Variants in CALN1 observed in about 807,000 individuals in gnomAD.
CALN1 encodes the protein calcium-binding protein 8.
Under a neutral mutation model 30.6 loss-of-function variants are expected in CALN1, and 17 were observed. That is an observed-to-expected ratio of 0.56 (90% confidence interval 0.38 to 0.83). The LOEUF is 0.83. Ranked by LOEUF, CALN1 falls within the 40% of genes least tolerant of loss-of-function variation. The pLI, the probability that CALN1 is intolerant of heterozygous loss-of-function variation, is 0.00. For missense variants in CALN1, 291 were observed against 354.9 expected (o/e 0.82, Z 1.45); for synonymous variants, 156 against 131.4 (o/e 1.19, Z -1.28).
At position 72,204,475 on chromosome 7, in the gene CALN1, A is replaced by G. The variant is rs546527827; in HGVS notation, c.244+74211T>C. ...ACTCATGATTAACACAACCAACCCGATCATTGAATTTTTTAACATTATAAA... is the reference window on the plus strand; with the variant it reads ...ACTCATGATTAACACAACCAACCCGGTCATTGAATTTTTTAACATTATAAA... On this transcript the variant is annotated intron_variant, in intron 3 of 6. Coordinates refer to ENST00000395275, the MANE Select transcript of CALN1 (RefSeq NM_031468.4). Among the ~76,000 whole-genome samples the G allele has an allele frequency of 7.9e-5, 12 of 152,318 alleles. No individual in the cohort carries two copies. In the South Asian group the frequency reaches 2.1e-3, roughly 26 times the overall value.
chr7:72,024,894 T>C (rs1424390552), intron 4 of CALN1, among the ~76,000 whole-genome samples: 1 of 152,236 alleles, frequency 6.6e-6, no homozygotes, highest in Admixed American at 6.5e-5. Flanking sequence ...TCTCTTTCTC[T>C]AAGACGGAGC....
At chr7:72,141,175 G>C (rs1269155540) in intron 3 of CALN1, among the ~76,000 whole-genome samples, 1 of 152,136 alleles carries the variant, frequency 6.6e-6, no homozygotes, top group East Asian at 1.9e-4. Context: ...GCTCATACCT[G>C]TAATTCCAGA....
intron 6 of CALN1, among the ~76,000 whole-genome samples, chr7:71,798,123 CAGAGAGAGAGAGAGAG>C (rs3973907): frequency 4.0e-3 from 287 of 71,048 alleles, no homozygotes; most frequent in East Asian, 7.6e-3. Context: ...GAGACAGAGA[CAGAGAGAGAGAGAGAG>C]AGAGAGAGAG....
rs1051381982 is a variant in CALN1 at position 71,785,133 on chromosome 7, T to C, written c.*2642A>G. 6 of 360,970 alleles carry C rather than the reference T, an allele frequency of 1.7e-5. No individual in the cohort carries two copies. Among genetic ancestry groups the C allele is most frequent in the Admixed American group, 1.4e-4 (3 of 21,442 alleles). 22.4% of individuals were successfully genotyped at this position (360,970 alleles called of 1,614,324 possible). On this transcript the variant is annotated 3_prime_UTR_variant, in exon 7 of 7. Coordinates refer to ENST00000395275, the MANE Select transcript of CALN1 (RefSeq NM_031468.4). ...ATGGGGGGTTACCACAGTGGGAAGATAACTCCTAGGCTGTCAGAAAGAATT... is the reference window on the plus strand; with the variant it reads ...ATGGGGGGTTACCACAGTGGGAAGACAACTCCTAGGCTGTCAGAAAGAATT...
chr7:72,227,530 A>ACT (rs1376628502), intron 3 of CALN1, among the ~76,000 whole-genome samples: 2 of 140,026 alleles, frequency 1.4e-5, no homozygotes, highest in African/African-American at 5.3e-5. Flanking sequence ...ACAGAGAAAG[A>ACT]CTCCGTCTCA....
At chr7:72,192,973 A>C (rs1221542362) in intron 3 of CALN1, among the ~76,000 whole-genome samples, 2 of 151,958 alleles carry the variant, frequency 1.3e-5, no homozygotes, top group Non-Finnish European at 2.9e-5. Flanking sequence ...GGATCACTTG[A>C]GGTCAGGAGT....
intron 4 of CALN1, among the ~76,000 whole-genome samples, chr7:72,057,730 A>C (rs1803360499): frequency 6.6e-6 from 1 of 151,450 alleles, no homozygotes; most frequent in Admixed American, 6.6e-5. Flanking sequence ...GGAAAAAAAA[A>C]CCTCTTCATA....
At chr7:72,204,638 G>T (rs1283894842) in intron 3 of CALN1, among the ~76,000 whole-genome samples, 1 of 152,102 alleles carries the variant, frequency 6.6e-6, no homozygotes, top group Non-Finnish European at 1.5e-5. Flanking sequence ...AACAATCTGT[G>T]CCTGTTTCCT....
chr7:72,446,808 C>A (rs963711680), intron 1 of CALN1, among the ~76,000 whole-genome samples: 1 of 152,112 alleles, frequency 6.6e-6, no homozygotes, highest in East Asian at 1.9e-4. Context: ...AAGCTGGGGC[C>A]AAAACAAACG....
At chr7:71,915,660 G>A (rs1444719775) in intron 5 of CALN1, among the ~76,000 whole-genome samples, 1 of 152,268 alleles carries the variant, frequency 6.6e-6, no homozygotes, top group East Asian at 1.9e-4. Flanking sequence ...CTTGAACAGG[G>A]GAGGCGGAGG....
intron 3 of CALN1, among the ~76,000 whole-genome samples, chr7:72,236,167 G>GA (rs940873091): frequency 6.6e-6 from 1 of 151,562 alleles, no homozygotes; most frequent in Non-Finnish European, 1.5e-5. Context: ...AAAACCCTCA[G>GA]AAAAATCACC....
chr7:72,002,074 A>G (rs1350617396), intron 5 of CALN1, among the ~76,000 whole-genome samples: 1 of 152,212 alleles, frequency 6.6e-6, no homozygotes, highest in African/African-American at 2.4e-5. Flanking sequence ...TTCTACAGCT[A>G]ATGTGAAGGA....
chr7:71,996,640 G>T (rs1799266861), intron 5 of CALN1, among the ~76,000 whole-genome samples: 1 of 152,174 alleles, frequency 6.6e-6, no homozygotes, highest in Admixed American at 6.5e-5. Context: ...GGAGAGCAAG[G>T]GGGAGGGAGA....
chr7:71,791,683 C>A (rs1584222345), intron 6 of CALN1, among the ~76,000 whole-genome samples: 1 of 152,278 alleles, frequency 6.6e-6, no homozygotes, highest in Middle Eastern at 3.4e-3. Context: ...CAAACCTGCA[C>A]ATGTATCCCT....
chr7:72,365,431 A>G (rs1274255700), intron 2 of CALN1, among the ~76,000 whole-genome samples: 1 of 152,148 alleles, frequency 6.6e-6, no homozygotes, highest in Non-Finnish European at 1.5e-5. Context: ...GCATAAAATG[A>G]GAAATACGTT....
intron 4 of CALN1, chr7:72,104,119 T>C (rs1240982910): frequency 1.3e-5 from 2 of 153,466 alleles, no homozygotes; most frequent in African/African-American, 2.4e-5. Context: ...AGAGAATCAA[T>C]GAATGGCCTG....
intron 5 of CALN1, among the ~76,000 whole-genome samples, chr7:71,859,112 G>T (rs1791124123): frequency 6.6e-6 from 1 of 152,144 alleles, no homozygotes; most frequent in Non-Finnish European, 1.5e-5. Context: ...CCCCAAGCTG[G>T]AGTGCAGCGG....
At chr7:72,019,993 A>G (rs1046279977) in intron 5 of CALN1, among the ~76,000 whole-genome samples, 3 of 152,222 alleles carry the variant, frequency 2.0e-5, no homozygotes, top group East Asian at 3.9e-4. Flanking sequence ...CAAGGATATC[A>G]GTACCTCCTA....
intron 6 of CALN1, among the ~76,000 whole-genome samples, chr7:71,797,176 A>G (rs2115990795): frequency 6.6e-6 from 1 of 152,310 alleles, no homozygotes; most frequent in African/African-American, 2.4e-5. Flanking sequence ...CTTCCAAATG[A>G]GGCAAATCAG....
Sources: gnomAD v4.1 joint callset for allele counts (sites outside exome capture counted in the v4.1 genomes callset) on GRCh38, gnomAD v4.1.1 for gene constraint, MANE v1.5 for transcripts, NCBI Gene and HGNC (gene_info 2026-07-23, HGNC 2026-07-21) for gene names.